VWC2: variants seen among roughly 807,000 people sequenced by gnomAD.
The protein encoded by VWC2 is von Willebrand factor C domain containing 2.
A neutral mutation model predicts 29.8 loss-of-function variants in VWC2; 14 were observed. The ratio of observed to expected loss-of-function variants is 0.47; its 90% CI spans 0.31 to 0.74. The LOEUF (loss-of-function observed/expected upper bound fraction) is 0.74. Ranked by LOEUF, VWC2 falls within the 30% of genes least tolerant of loss-of-function variation. The pLI is 0.05. For missense variants in VWC2, 457 were observed against 459.8 expected (o/e 0.99, Z 0.05); for synonymous variants, 213 against 199.0 (o/e 1.07, Z -0.59).
chr7:49,785,325 T>A (rs1027565243), intron 2 of VWC2, among the ~76,000 whole-genome samples: 1 of 152,150 alleles, frequency 6.6e-6, no homozygotes, highest in Non-Finnish European at 1.5e-5. Flanking sequence ...CTACCACACA[T>A]CTGCTTAGAA....
rs7797341 is a variant in VWC2 at position 49,919,034 on chromosome 7, A to G, written c.*6849A>G. ...CGCGTCACTGCACTCCAGCCTGGGT[A>G]ACAGAGCAAGACTCTGTTTAAAAAA... On this transcript the variant is annotated 3_prime_UTR_variant, in exon 4 of 4. Transcript: ENST00000340652. The G allele has an allele frequency of 0.78, 117,182 of 150,674 alleles. 45,748 individuals carry two copies. The highest frequency in any genetic ancestry group is 0.88 in the East Asian group (4,528 of 5,118). 9.3% of individuals were successfully genotyped at this position (150,674 alleles called of 1,614,324 possible). A position where few individuals can be genotyped will look rare whatever the true frequency, so the allele number is the denominator to read the frequency against.
intron 3 of VWC2, among the ~76,000 whole-genome samples, chr7:49,885,508 C>T (rs910850019): frequency 6.6e-6 from 1 of 151,514 alleles, no homozygotes; most frequent in Admixed American, 6.6e-5. Flanking sequence ...AGGTAAAACT[C>T]GTTATATAAT....
intron 3 of VWC2, among the ~76,000 whole-genome samples, chr7:49,875,387 A>AAAAAAAAAAAC (rs1791366042): frequency 6.7e-6 from 1 of 149,738 alleles, no homozygotes; most frequent in Non-Finnish European, 1.5e-5. Context: ...AAAAAAAAAA[A>AAAAAAAAAAAC]AAAAAAAAAA....
rs141242083 is a variant in VWC2 at position 49,802,933 on chromosome 7, C to T, written c.826+93C>T. The T allele has an allele frequency of 2.6e-4, 398 of 1,533,514 alleles. 4 individuals carry two copies. The African/African-American group carries it at 3.3e-3, about 13-fold the overall frequency. The allele number at this position is 1,533,514 out of a possible 1,614,324, so 95.0% of individuals were successfully genotyped here. A position where few individuals can be genotyped will look rare whatever the true frequency, so the allele number is the denominator to read the frequency against. On this transcript the variant is annotated intron_variant, in intron 3 of 3. Transcript: ENST00000340652. Reference sequence around the variant, plus strand: ...ATGGTAGACGGGACACATACGGATACGTGAGTTTCATCCTATGTATCAATA... The same window carrying T: ...ATGGTAGACGGGACACATACGGATATGTGAGTTTCATCCTATGTATCAATA...
chr7:49,810,269 A>G (rs1345308367), intron 3 of VWC2, among the ~76,000 whole-genome samples: 1 of 152,100 alleles, frequency 6.6e-6, no homozygotes, highest in Non-Finnish European at 1.5e-5. Context: ...GATAATACAA[A>G]TGAAATTAAG....
chr7:49,875,361 T>C (rs769927), intron 3 of VWC2, among the ~76,000 whole-genome samples: 76,787 of 101,098 alleles, frequency 0.76, 28,966 homozygotes, highest in East Asian at 0.88. Flanking sequence ...CAGAGTGAGA[T>C]TCTGACTCAA....
intron 3 of VWC2, among the ~76,000 whole-genome samples, chr7:49,901,618 T>C (rs187596454): frequency 5.0e-4 from 76 of 152,024 alleles, no homozygotes; most frequent in African/African-American, 1.5e-3. Context: ...TATCAAGATC[T>C]ATTGTTGAGC....
intron 3 of VWC2, among the ~76,000 whole-genome samples, chr7:49,843,869 A>G (rs1022428011): frequency 6.6e-6 from 1 of 152,246 alleles, no homozygotes; most frequent in African/African-American, 2.4e-5. Context: ...TGAATGGAAA[A>G]AAGAAGACCA....
chr7:49,797,301 A>T (rs890288763), intron 2 of VWC2, among the ~76,000 whole-genome samples: 2 of 152,128 alleles, frequency 1.3e-5, no homozygotes, highest in Non-Finnish European at 2.9e-5. Flanking sequence ...AACCATTACA[A>T]TTACTTGGAA....
intron 2 of VWC2, among the ~76,000 whole-genome samples, chr7:49,797,210 T>G (rs913352628): frequency 1.3e-5 from 2 of 152,172 alleles, no homozygotes; most frequent in Non-Finnish European, 2.9e-5. Context: ...TCTGAGTAGT[T>G]GTAGTTGAGA....
chr7:49,867,272 A>T (rs576965299), intron 3 of VWC2, among the ~76,000 whole-genome samples: 1 of 152,334 alleles, frequency 6.6e-6, no homozygotes, highest in South Asian at 2.1e-4. Flanking sequence ...CACTAAAAAT[A>T]TACTTAAAGA....
intron 3 of VWC2, among the ~76,000 whole-genome samples, chr7:49,880,222 CTCTTA>C: frequency 6.6e-6 from 1 of 152,134 alleles, no homozygotes; most frequent in South Asian, 2.1e-4. Context: ...AATGGTTTTT[CTCTTA>C]TATGTGTGGC....
intron 2 of VWC2, among the ~76,000 whole-genome samples, chr7:49,783,419 T>C (rs1481516469): frequency 6.6e-6 from 1 of 152,166 alleles, no homozygotes; most frequent in African/African-American, 2.4e-5. Context: ...CTGGGCCAGA[T>C]GTTCTAGGGA....
intron 3 of VWC2, among the ~76,000 whole-genome samples, chr7:49,869,390 G>A (rs1322389716): frequency 6.6e-6 from 1 of 151,912 alleles, no homozygotes; most frequent in African/African-American, 2.4e-5. Context: ...GAGAAGGGGA[G>A]GAAGGACTAT....
At chr7:49,795,330 G>A (rs776446821) in intron 2 of VWC2, among the ~76,000 whole-genome samples, 68 of 152,228 alleles carry the variant, frequency 4.5e-4, no homozygotes, top group Admixed American at 7.8e-4. Flanking sequence ...GACAGAGGGA[G>A]TAGAGCAGAG....
chr7:49,786,840 T>A (rs961321261), intron 2 of VWC2, among the ~76,000 whole-genome samples: 5 of 152,338 alleles, frequency 3.3e-5, no homozygotes, highest in African/African-American at 1.2e-4. Flanking sequence ...ATTTGTTATT[T>A]GTTTGCTGAT....
chr7:49,818,890 T>C, intron 3 of VWC2, among the ~76,000 whole-genome samples: 1 of 149,536 alleles, frequency 6.7e-6, no homozygotes, highest in Non-Finnish European at 1.5e-5. Context: ...TAAATATAAA[T>C]TCATATATAT....
intron 3 of VWC2, among the ~76,000 whole-genome samples, chr7:49,882,754 T>C (rs1000018716): frequency 2.0e-5 from 3 of 152,130 alleles, no homozygotes; most frequent in Admixed American, 1.3e-4. Flanking sequence ...ACAGACAAAA[T>C]TGTATTTAAA....
intron 3 of VWC2, among the ~76,000 whole-genome samples, chr7:49,805,809 T>C (rs1447385871): frequency 6.6e-6 from 1 of 152,242 alleles, no homozygotes. Context: ...GTTTTAACTC[T>C]TGATCTCCGT....
Sources: gnomAD v4.1 joint callset for allele counts (sites outside exome capture counted in the v4.1 genomes callset) on GRCh38, gnomAD v4.1.1 for gene constraint, MANE v1.5 for transcripts, NCBI Gene and HGNC (gene_info 2026-07-23, HGNC 2026-07-21) for gene names.